The following RALGAPA2 variants were observed in gnomAD, a reference collection of about 807,000 sequenced individuals.
RALGAPA2 encodes the protein ral GTPase-activating protein subunit alpha-2.
A neutral mutation model predicts 230.4 loss-of-function variants in RALGAPA2; 139 were observed. The observed-to-expected ratio is 0.60, with a 90% CI of 0.53 to 0.69. The LOEUF is 0.69. Among genes scored for constraint, RALGAPA2 ranks in the 30% least tolerant of loss-of-function variants. The pLI is 0.00. For missense variants in RALGAPA2, 2,163 were observed against 2,276.0 expected, an observed-to-expected ratio of 0.95 and a Z score of 1.01; for synonymous variants, 847 against 837.8, an observed-to-expected ratio of 1.01 and a Z score of -0.19.
intron 15 of RALGAPA2, among the ~76,000 whole-genome samples, chr20:20,603,957 A>C (rs903916707): frequency 2.6e-5 from 4 of 152,158 alleles, no homozygotes; most frequent in African/African-American, 4.8e-5. Flanking sequence ...TCTCAGGAGG[A>C]CCTAATAAAA....
intron 20 of RALGAPA2, among the ~76,000 whole-genome samples, chr20:20,575,162 C>T (rs1460581686): frequency 6.6e-6 from 1 of 151,960 alleles, no homozygotes; most frequent in Non-Finnish European, 1.5e-5. Context: ...TATACTCATG[C>T]CCCTCTTAAT....
chr20:20,550,867 CTG>C (rs2063904815), intron 23 of RALGAPA2, among the ~76,000 whole-genome samples: 1 of 152,194 alleles, frequency 6.6e-6, no homozygotes, highest in Admixed American at 6.5e-5. Context: ...GAGAAGGACT[CTG>C]AAGAGTTTTA....
chr20:20,601,974 T>A, intron 15 of RALGAPA2, 128 bp from the exon 16 acceptor site: 3 of 801,116 alleles, frequency 3.7e-6, no homozygotes, highest in Non-Finnish European at 5.4e-6. Context: ...ACAAATTAAG[T>A]ACCACTTCCT....
chr20:20,611,447 G>C lies in RALGAPA2; in HGVS notation c.1689-21C>G, dbSNP rs370581949. 702 of 1,606,246 alleles carry C rather than the reference G, an allele frequency of 4.4e-4. 2 individuals carry two copies. Among genetic ancestry groups the C allele is most frequent in the Admixed American group, 1.2e-3 (68 of 58,788 alleles). ...GTTCCCTGGGCCACCCAAAATAAAA[G>C]CTCATATTAATAATCATGTCTCCAA... is the stretch of plus-strand genomic sequence containing the variant. On this transcript the variant is annotated intron_variant, in intron 13 of 39. Coordinates refer to ENST00000202677, the MANE Select transcript of RALGAPA2 (RefSeq NM_020343.4).
At chr20:20,403,741 GA>G (rs1220370911) in intron 38 of RALGAPA2, among the ~76,000 whole-genome samples, 1 of 152,202 alleles carries the variant, frequency 6.6e-6, no homozygotes, top group African/African-American at 2.4e-5. Context: ...CTTCCCTAAT[GA>G]CTGCACGTGG....
rs570615634 is a variant in RALGAPA2, at chr20:20,561,397, C to A, written c.3156+10061G>T. Among the ~76,000 whole-genome samples the A allele has an allele frequency of 1.4e-4, 21 of 152,312 alleles. No individual in the cohort carries two copies. The East Asian group carries it at 2.7e-3, about 20-fold the overall frequency. On this transcript the variant is annotated intron_variant, in intron 23 of 39. Transcript: ENST00000202677. ...CTCATGCAAGAAGTGGAACCTGAGC[C>A]CCCTTCCTGCCTCCTTTCATACATA...
intron 23 of RALGAPA2, among the ~76,000 whole-genome samples, chr20:20,564,654 GAGGCTCTCT>G (rs1318602175): frequency 6.6e-6 from 1 of 152,216 alleles, no homozygotes; most frequent in East Asian, 1.9e-4. Context: ...AAGGGTCTGA[GAGGCTCTCT>G]AGCCCAATTC....
intron 14 of RALGAPA2, among the ~76,000 whole-genome samples, chr20:20,607,379 A>G (rs1158500698): frequency 1.3e-5 from 2 of 152,218 alleles, no homozygotes; most frequent in Non-Finnish European, 2.9e-5. Flanking sequence ...GTAGTTAATT[A>G]TATAAAAAAC....
At chr20:20,638,681 T>C (rs1197316814) in intron 7 of RALGAPA2, among the ~76,000 whole-genome samples, 1 of 152,146 alleles carries the variant, frequency 6.6e-6, no homozygotes, top group Non-Finnish European at 1.5e-5. Flanking sequence ...CAAACACTTC[T>C]GAACAGCTGG....
chr20:20,498,369 A>G (rs2062274326), intron 35 of RALGAPA2, among the ~76,000 whole-genome samples: 1 of 152,242 alleles, frequency 6.6e-6, no homozygotes, highest in Admixed American at 6.5e-5. Context: ...TAAGAAATCA[A>G]TCCCGGACCC....
At chr20:20,693,193 T>C (rs1054573392) in intron 1 of RALGAPA2, among the ~76,000 whole-genome samples, 9 of 152,234 alleles carry the variant, frequency 5.9e-5, no homozygotes, top group African/African-American at 2.2e-4. Flanking sequence ...TAATTCTGTA[T>C]AAAGATATAG....
At chr20:20,665,286 A>G (rs1447216821) in intron 3 of RALGAPA2, among the ~76,000 whole-genome samples, 1 of 152,194 alleles carries the variant, frequency 6.6e-6, no homozygotes, top group Non-Finnish European at 1.5e-5. Context: ...CATTTTTGCT[A>G]GTATTGCCTT....
At position 20,425,422 on chromosome 20, in the gene RALGAPA2, G is replaced by A. The variant is rs142495718; in HGVS notation, c.5496-13274C>T. Among the ~76,000 whole-genome samples the A allele has an allele frequency of 1.7e-3, 256 of 152,174 alleles. 2 individuals carry two copies. In the East Asian group the frequency reaches 0.027, roughly 16 times the overall value. ...GCTTTATTTGTTTTTTCTTCTGTGCGTTTTAAAATAATAAATATCACTACC... is the reference window on the plus strand; with the variant it reads ...GCTTTATTTGTTTTTTCTTCTGTGCATTTTAAAATAATAAATATCACTACC... On this transcript the variant is annotated intron_variant, in intron 37 of 39. Coordinates refer to ENST00000202677, the MANE Select transcript of RALGAPA2 (RefSeq NM_020343.4).
At chr20:20,417,112 C>T (rs1053403244) in intron 37 of RALGAPA2, among the ~76,000 whole-genome samples, 4 of 152,330 alleles carry the variant, frequency 2.6e-5, no homozygotes, top group African/African-American at 4.8e-5. Context: ...CAGCCATCCA[C>T]GCATCCCTCT....
chr20:20,461,509 G>C (rs2061301693), intron 37 of RALGAPA2, among the ~76,000 whole-genome samples: 1 of 152,178 alleles, frequency 6.6e-6, no homozygotes, highest in Non-Finnish European at 1.5e-5. Context: ...ATGGCTCTTG[G>C]ATGTTAAAGG....
intron 23 of RALGAPA2, among the ~76,000 whole-genome samples, chr20:20,559,555 G>A (rs1336706417): frequency 2.0e-5 from 3 of 152,142 alleles, no homozygotes; most frequent in African/African-American, 7.2e-5. Flanking sequence ...GAGGTCAATC[G>A]ACCTCTAAAT....
rs2060426187 is a variant in RALGAPA2, at chr20:20,428,182, C to T, written c.5496-16034G>A. On this transcript the variant is annotated intron_variant, in intron 37 of 39. Transcript: ENST00000202677. ...ATATGCAAAATTCCTTGTAACAGAT[C>T]CCATCTATTCTGCCTAAACTCATAA... 1.3e-5 allele frequency among the ~76,000 whole-genome samples: 2 copies of T among 152,086 alleles called. 1 individual carries two copies. The highest frequency in any genetic ancestry group is 4.2e-4 in the South Asian group (2 of 4,818).
At chr20:20,525,666 G>A (rs891300917) in intron 28 of RALGAPA2, among the ~76,000 whole-genome samples, 11 of 152,172 alleles carry the variant, frequency 7.2e-5, no homozygotes, top group African/African-American at 2.4e-4. Context: ...GGACACCTAC[G>A]GGAGTGAAGC....
chr20:20,697,522 A>G (rs1392832574), intron 1 of RALGAPA2, among the ~76,000 whole-genome samples: 1 of 152,162 alleles, frequency 6.6e-6, no homozygotes, highest in African/African-American at 2.4e-5. Context: ...GTGGGAGGTA[A>G]TGTGCCAGAA....
Sources: allele counts gnomAD v4.1 joint callset (sites outside exome capture counted in the v4.1 genomes callset), GRCh38; gene constraint gnomAD v4.1.1; transcripts MANE v1.5; gene names NCBI Gene and HGNC (gene_info 2026-07-23, HGNC 2026-07-21).